SH3RF3: variants seen among roughly 807,000 people sequenced by gnomAD.
SH3RF3 encodes SH3 domain containing ring finger 3, also known as E3 ubiquitin-protein ligase SH3RF3.
In SH3RF3, 29 loss-of-function variants were observed where a neutral mutation model predicts 66.3. That is an observed-to-expected ratio of 0.44 (90% CI 0.33 to 0.60). The LOEUF (loss-of-function observed/expected upper bound fraction) is 0.60. SH3RF3 is among the 20% of genes least tolerant of loss of function. The pLI is 0.04. For missense variants in SH3RF3, 1,194 were observed against 1,190.9 expected (o/e 1.00, Z -0.04); for synonymous variants, 583 against 532.0 (o/e 1.10, Z -1.32).
At chr2:109,342,053 T>C (rs910367221) in intron 1 of SH3RF3, among the ~76,000 whole-genome samples, 1 of 152,252 alleles carries the variant, frequency 6.6e-6, no homozygotes, top group Non-Finnish European at 1.5e-5. Context: ...TGTGTTCATC[T>C]TCCTGACACT....
intron 1 of SH3RF3, among the ~76,000 whole-genome samples, chr2:109,305,049 G>A (rs1400863394): frequency 6.6e-6 from 1 of 152,196 alleles, no homozygotes; most frequent in African/African-American, 2.4e-5. Flanking sequence ...TGGGTTTGTT[G>A]CGGTTCCCCG....
intron 1 of SH3RF3, among the ~76,000 whole-genome samples, chr2:109,248,815 T>TTTTCTCTC (rs995990741): frequency 1.3e-5 from 2 of 151,626 alleles, no homozygotes; most frequent in African/African-American, 2.4e-5. Flanking sequence ...TTCTCTTTCG[T>TTTTCTCTC]TTTCTCTCTT....
At chr2:109,134,127 C>T (rs1676764020) in intron 1 of SH3RF3, among the ~76,000 whole-genome samples, 2 of 152,304 alleles carry the variant, frequency 1.3e-5, no homozygotes, top group South Asian at 4.1e-4. Flanking sequence ...TGACATATAT[C>T]ACCTTATGGA....
intron 4 of SH3RF3, among the ~76,000 whole-genome samples, chr2:109,417,520 A>G (rs915781490): frequency 6.6e-6 from 1 of 152,166 alleles, no homozygotes; most frequent in African/African-American, 2.4e-5. Context: ...GGCATGAGGC[A>G]GGCACAGGAC....
At chr2:109,468,689 A>T (rs1678422853) in intron 8 of SH3RF3, among the ~76,000 whole-genome samples, 1 of 151,844 alleles carries the variant, frequency 6.6e-6, no homozygotes, top group East Asian at 1.9e-4. Context: ...CCCTGTCTCT[A>T]TTAAAAATAA....
intron 5 of SH3RF3, among the ~76,000 whole-genome samples, chr2:109,424,151 C>T (rs931917773): frequency 1.3e-5 from 2 of 152,204 alleles, no homozygotes; most frequent in Admixed American, 1.3e-4. Context: ...TCAGGACACA[C>T]CTGCGCTGTG....
chr2:109,164,912 C>T (rs539996244), intron 1 of SH3RF3, among the ~76,000 whole-genome samples: 7 of 152,366 alleles, frequency 4.6e-5, no homozygotes, highest in African/African-American at 1.7e-4. Context: ...GGTCATGACA[C>T]TACAACTGGA....
At chr2:109,382,793 T>C (rs2104384874) in intron 3 of SH3RF3, among the ~76,000 whole-genome samples, 1 of 152,340 alleles carries the variant, frequency 6.6e-6, no homozygotes, top group South Asian at 2.1e-4. Flanking sequence ...AATTTGAAGT[T>C]AGCACCCCCA....
intron 1 of SH3RF3, among the ~76,000 whole-genome samples, chr2:109,330,646 G>A (rs1325010366): frequency 6.6e-6 from 1 of 152,186 alleles, no homozygotes; most frequent in African/African-American, 2.4e-5. Flanking sequence ...AGAGACGGAA[G>A]GGAGGGATGA....
intron 1 of SH3RF3, among the ~76,000 whole-genome samples, chr2:109,292,695 G>A (rs1250419963): frequency 1.3e-5 from 2 of 152,204 alleles, no homozygotes; most frequent in South Asian, 2.1e-4. Flanking sequence ...AGCACAAACC[G>A]GCCTGGTCCA....
chr2:109,418,646 C>T (rs183083807), intron 4 of SH3RF3, among the ~76,000 whole-genome samples: 1 of 152,278 alleles, frequency 6.6e-6, no homozygotes, highest in Admixed American at 6.5e-5. Context: ...TTCTCAGGAT[C>T]CTTACCTCAT....
chr2:109,400,458 C>T (rs931173516), intron 4 of SH3RF3, among the ~76,000 whole-genome samples: 1 of 152,164 alleles, frequency 6.6e-6, no homozygotes, highest in Non-Finnish European at 1.5e-5. Flanking sequence ...TCCACATGCA[C>T]ACACATACAC....
chr2:109,364,034 G>A (rs13388798), intron 2 of SH3RF3, among the ~76,000 whole-genome samples: 4,388 of 152,010 alleles, frequency 0.029, 158 homozygotes, highest in African/African-American at 0.089. Flanking sequence ...AGTTATTATT[G>A]TTTCAAATAT....
At position 109,394,269 on chromosome 2, in the gene SH3RF3, A is replaced by G. The variant is rs118052805; in HGVS notation, c.946-4321A>G. ...TTGGGAGGGGCTTTGCTGAGCCAGCAGGCAGCCACTCGAGGTCACAGAGAC... is the reference window on the plus strand; with the variant it reads ...TTGGGAGGGGCTTTGCTGAGCCAGCGGGCAGCCACTCGAGGTCACAGAGAC... On this transcript the variant is annotated intron_variant, in intron 3 of 9. Coordinates refer to ENST00000309415, the MANE Select transcript of SH3RF3 (RefSeq NM_001099289.3). Among the ~76,000 whole-genome samples, 1,109 of 152,382 alleles carry G rather than the reference A, an allele frequency of 7.3e-3. 13 individuals carry two copies. The highest frequency in any genetic ancestry group is 0.052 in the East Asian group (271 of 5,190).
chr2:109,230,861 C>G (rs570172443), intron 1 of SH3RF3, among the ~76,000 whole-genome samples: 7 of 152,304 alleles, frequency 4.6e-5, no homozygotes, highest in African/African-American at 1.7e-4. Context: ...TAGGAGTTCA[C>G]TGGCCAATAG....
At chr2:109,215,600 G>A (rs1304523806) in intron 1 of SH3RF3, among the ~76,000 whole-genome samples, 7 of 152,060 alleles carry the variant, frequency 4.6e-5, no homozygotes, top group Non-Finnish European at 8.8e-5. Context: ...GTGCCTCTCT[G>A]GGTAGAGTTC....
chr2:109,472,444 C>G (rs1041557142), intron 8 of SH3RF3, among the ~76,000 whole-genome samples: 1 of 152,204 alleles, frequency 6.6e-6, no homozygotes, highest in African/African-American at 2.4e-5. Context: ...CGGGGCTTCC[C>G]GACGGGGCTT....
intron 1 of SH3RF3, among the ~76,000 whole-genome samples, chr2:109,307,467 C>T (rs545945542): frequency 1.1e-3 from 161 of 150,370 alleles, no homozygotes; most frequent in South Asian, 6.6e-3. Flanking sequence ...TACATGTGCA[C>T]ATTGTGCAGG....
intron 1 of SH3RF3, among the ~76,000 whole-genome samples, chr2:109,339,442 G>A (rs906911612): frequency 6.6e-6 from 1 of 152,166 alleles, no homozygotes; most frequent in Non-Finnish European, 1.5e-5. Flanking sequence ...TGCGGTGGCT[G>A]GAGATCCAGG....
Sources: allele counts gnomAD v4.1 joint callset (sites outside exome capture counted in the v4.1 genomes callset), GRCh38; gene constraint gnomAD v4.1.1; transcripts MANE v1.5; gene names NCBI Gene and HGNC (gene_info 2026-07-23, HGNC 2026-07-21).